ROBO2: variants seen among roughly 807,000 people sequenced by gnomAD.
The protein encoded by ROBO2 is roundabout guidance receptor 2.
ROBO2 carries 53 observed loss-of-function variants against 160.8 expected under a neutral mutation model. The observed-to-expected ratio is 0.33, with a 90% CI of 0.26 to 0.41. ROBO2 has a LOEUF of 0.41. Ranked by LOEUF, ROBO2 falls within the 10% of genes least tolerant of loss-of-function variation. The pLI, the probability that ROBO2 is intolerant of heterozygous loss-of-function variation, is 1.00. For missense variants in ROBO2, 1,577 were observed against 1,722.4 expected (o/e 0.92, Z 1.49); for synonymous variants, 664 against 611.7 (o/e 1.09, Z -1.26).
chr3:76,694,797 C>T (rs1394926455), intron 2 of ROBO2, among the ~76,000 whole-genome samples: 1 of 152,062 alleles, frequency 6.6e-6, no homozygotes, highest in Non-Finnish European at 1.5e-5. Flanking sequence ...CCATGTTATC[C>T]TTTCATAATT....
At chr3:77,170,018 G>T (rs528509750) in intron 2 of ROBO2, among the ~76,000 whole-genome samples, 21 of 152,246 alleles carry the variant, frequency 1.4e-4, no homozygotes, top group African/African-American at 4.8e-4. Flanking sequence ...CTGACACCGG[G>T]GAAGCTTCAT....
intron 2 of ROBO2, among the ~76,000 whole-genome samples, chr3:77,252,831 A>AAAAAAATATAT: frequency 2.4e-4 from 3 of 12,520 alleles, no homozygotes; most frequent in African/African-American, 4.7e-4. Context: ...AAAAAAAAAA[A>AAAAAAATATAT]ATATATATAT....
chr3:76,344,044 A>G (rs1251936823), intron 2 of ROBO2, among the ~76,000 whole-genome samples: 1 of 152,062 alleles, frequency 6.6e-6, no homozygotes, highest in African/African-American at 2.4e-5. Context: ...TTCTCTTTGT[A>G]TAAAAGTATG....
chr3:77,048,729 T>C (rs1043109338), intron 1 of ROBO2, among the ~76,000 whole-genome samples: 1 of 152,242 alleles, frequency 6.6e-6, no homozygotes, highest in Non-Finnish European at 1.5e-5. Flanking sequence ...TAATAACTTT[T>C]TATAATTATC....
intron 1 of ROBO2, among the ~76,000 whole-genome samples, chr3:77,077,741 A>G (rs1216395200): frequency 6.6e-6 from 1 of 152,168 alleles, no homozygotes; most frequent in Non-Finnish European, 1.5e-5. Context: ...GTATGTTCTT[A>G]TCCATCAAGG....
intron 2 of ROBO2, among the ~76,000 whole-genome samples, chr3:76,869,282 C>T (rs1020776767): frequency 6.7e-6 from 1 of 150,300 alleles, no homozygotes; most frequent in African/African-American, 2.5e-5. Context: ...AACATATTTT[C>T]GCAACAAATG....
intron 2 of ROBO2, among the ~76,000 whole-genome samples, chr3:77,193,642 A>T (rs2082077586): frequency 6.6e-6 from 1 of 152,124 alleles, no homozygotes; most frequent in South Asian, 2.1e-4. Context: ...ATGACCTTGG[A>T]GTAGCAAAGG....
chr3:76,346,301 G>T (rs1398518064), intron 2 of ROBO2, among the ~76,000 whole-genome samples: 1 of 150,578 alleles, frequency 6.6e-6, no homozygotes, highest in Non-Finnish European at 1.5e-5. Context: ...AGGCTGGAGT[G>T]CAGTGGCGTG....
rs1456989349 is a variant in ROBO2, at chr3:77,395,589, A to G, written c.389-81825A>G. On this transcript the variant is annotated intron_variant, in intron 2 of 25. Transcript: ENST00000461745. Reference sequence around the variant, plus strand: ...TCCAGCCTGATATTAAGTAATTGCTATCATAATTAGTCAACTCAACAAGTT... The same window carrying G: ...TCCAGCCTGATATTAAGTAATTGCTGTCATAATTAGTCAACTCAACAAGTT... 4.6e-5 allele frequency among the ~76,000 whole-genome samples: 7 copies of G among 152,176 alleles called. No homozygotes were observed. The South Asian group carries it at 1.2e-3, about 27-fold the overall frequency.
chr3:77,384,739 A>G (rs1024918596), intron 2 of ROBO2, among the ~76,000 whole-genome samples: 2 of 152,212 alleles, frequency 1.3e-5, no homozygotes, highest in African/African-American at 2.4e-5. Context: ...CCTGCTCCTT[A>G]TAGAGTCACA....
chr3:77,505,460 G>A (rs1226796925), intron 5 of ROBO2, among the ~76,000 whole-genome samples: 1 of 151,962 alleles, frequency 6.6e-6, no homozygotes, highest in Admixed American at 6.6e-5. Flanking sequence ...AAATAGAGAA[G>A]TCAAAAGGTA....
At chr3:76,954,783 A>G (rs1306799328) in intron 2 of ROBO2, among the ~76,000 whole-genome samples, 2 of 152,252 alleles carry the variant, frequency 1.3e-5, no homozygotes, top group Non-Finnish European at 1.5e-5. Flanking sequence ...TCACATCATC[A>G]TGATGAACAA....
At chr3:76,422,373 T>C (rs1462527309) in intron 2 of ROBO2, among the ~76,000 whole-genome samples, 1 of 152,176 alleles carries the variant, frequency 6.6e-6, no homozygotes, top group African/African-American at 2.4e-5. Context: ...TTTAACTTGA[T>C]AAGATAACTG....
chr3:77,151,351 A>T (rs865930504), intron 2 of ROBO2, among the ~76,000 whole-genome samples: 11 of 152,180 alleles, frequency 7.2e-5, no homozygotes, highest in Non-Finnish European at 1.2e-4. Flanking sequence ...ATTATAATTT[A>T]TCTGGGTCTT....
intron 2 of ROBO2, among the ~76,000 whole-genome samples, chr3:76,226,477 T>C (rs752790309): frequency 2.6e-5 from 4 of 152,150 alleles, no homozygotes; most frequent in Non-Finnish European, 5.9e-5. Context: ...CTGTCTACAC[T>C]ATTCTTATCT....
At chr3:77,276,825 C>T (rs901944050) in intron 2 of ROBO2, among the ~76,000 whole-genome samples, 2 of 152,098 alleles carry the variant, frequency 1.3e-5, no homozygotes, top group African/African-American at 2.4e-5. Flanking sequence ...TGGCAGAAGT[C>T]GAATGAGGAG....
intron 2 of ROBO2, among the ~76,000 whole-genome samples, chr3:76,753,058 T>C (rs1019623418): frequency 1.3e-5 from 2 of 151,948 alleles, no homozygotes; most frequent in South Asian, 4.1e-4. Flanking sequence ...TTTAAAGGTA[T>C]ATGCAAAACA....
At chr3:77,623,041 C>T (rs565478914) in intron 23 of ROBO2, among the ~76,000 whole-genome samples, 8 of 152,172 alleles carry the variant, frequency 5.3e-5, no homozygotes, top group Middle Eastern at 3.4e-3. Context: ...GTTCATCAAA[C>T]GAAAGAGTTG....
intron 4 of ROBO2, among the ~76,000 whole-genome samples, chr3:77,486,342 C>T (rs1162577445): frequency 6.6e-6 from 1 of 152,186 alleles, no homozygotes; most frequent in Non-Finnish European, 1.5e-5. Context: ...AATCACCACA[C>T]TGTCTTCCAC....
Sources: gnomAD v4.1 joint callset for allele counts (sites outside exome capture counted in the v4.1 genomes callset) on GRCh38, gnomAD v4.1.1 for gene constraint, MANE v1.5 for transcripts, NCBI Gene and HGNC (gene_info 2026-07-23, HGNC 2026-07-21) for gene names.